Variants in ADAMTSL1 observed in about 807,000 individuals in gnomAD.
ADAMTSL1 encodes the protein ADAMTS like 1.
Under a neutral mutation model 201.8 loss-of-function variants are expected in ADAMTSL1, and 126 were observed. That is an observed-to-expected ratio of 0.62 (90% confidence interval 0.54 to 0.72). ADAMTSL1 has a LOEUF of 0.72. Among genes scored for constraint, ADAMTSL1 ranks in the 30% least tolerant of loss-of-function variants. The probability of loss-of-function intolerance (pLI) is 0.00; values close to 1 mark genes in which losing one functional copy is unlikely to be tolerated. For missense variants in ADAMTSL1, 2,679 were observed against 2,277.8 expected (o/e 1.18, Z -3.59); for synonymous variants, 1,121 against 903.4 (o/e 1.24, Z -4.32).
At chr9:18,785,489 A>G (rs1563799747) in intron 19 of ADAMTSL1, among the ~76,000 whole-genome samples, 1 of 152,252 alleles carries the variant, frequency 6.6e-6, no homozygotes, top group Non-Finnish European at 1.5e-5. Context: ...TACAATTGCT[A>G]CATTTGTGTG....
intron 23 of ADAMTSL1, among the ~76,000 whole-genome samples, chr9:18,860,839 G>A (rs149257045): frequency 0.01 from 1,575 of 152,284 alleles, 11 homozygotes; most frequent in Non-Finnish European, 0.016. Flanking sequence ...CAGAATACAG[G>A]TGCCCAGTAA....
chr9:18,421,697 C>A (rs1440196003), intron 2 of ADAMTSL1, among the ~76,000 whole-genome samples: 1 of 152,116 alleles, frequency 6.6e-6, no homozygotes, highest in Non-Finnish European at 1.5e-5. Flanking sequence ...AGTCTTTAGA[C>A]ACATTTAATA....
intron 1 of ADAMTSL1, among the ~76,000 whole-genome samples, chr9:17,979,880 G>A (rs1818617529): frequency 1.3e-5 from 2 of 152,094 alleles, no homozygotes; most frequent in African/African-American, 4.8e-5. Flanking sequence ...GGCTAGACTG[G>A]TGCCTGAGTT....
intron 2 of ADAMTSL1, among the ~76,000 whole-genome samples, chr9:18,222,762 A>G (rs1351773628): frequency 6.6e-6 from 1 of 150,800 alleles, no homozygotes; most frequent in African/African-American, 2.4e-5. Context: ...GAAAACTCTT[A>G]CCATAATTGT....
chr9:18,910,637 C>G lies in ADAMTSL1; in HGVS notation c.*2089C>G, dbSNP rs939146411. 1 of 152,216 alleles carries G rather than the reference C, an allele frequency of 6.6e-6. No homozygotes were observed. The highest frequency in any genetic ancestry group is 1.5e-5 in the Non-Finnish European group (1 of 68,042). The allele number at this position is 152,216 out of a possible 1,614,324, so 9.4% of individuals were successfully genotyped here. A position where few individuals can be genotyped will look rare whatever the true frequency, so the allele number is the denominator to read the frequency against. ...CTACTACTAATGTGGTTAATTATTT[C>G]TAGTTCGATAGTGATTGAAAATCAG... On this transcript the variant is annotated 3_prime_UTR_variant, in exon 29 of 29. Coordinates refer to ENST00000380548, the MANE Select transcript of ADAMTSL1 (RefSeq NM_001040272.6).
chr9:18,562,256 G>A (rs1026162896), intron 3 of ADAMTSL1, among the ~76,000 whole-genome samples: 2 of 152,074 alleles, frequency 1.3e-5, no homozygotes, highest in East Asian at 1.9e-4. Context: ...GTCTGTAAAG[G>A]ATTTTATTTC....
At chr9:18,439,587 G>A (rs1428564476) in intron 2 of ADAMTSL1, among the ~76,000 whole-genome samples, 3 of 152,128 alleles carry the variant, frequency 2.0e-5, no homozygotes, top group Non-Finnish European at 4.4e-5. Flanking sequence ...GGATGGTCTC[G>A]ATCTCCTGAC....
intron 2 of ADAMTSL1, among the ~76,000 whole-genome samples, chr9:18,345,593 G>C (rs1258392136): frequency 6.6e-6 from 1 of 152,148 alleles, no homozygotes; most frequent in Non-Finnish European, 1.5e-5. Flanking sequence ...GATGTCTTTT[G>C]TTCCAAAGTC....
intron 2 of ADAMTSL1, among the ~76,000 whole-genome samples, chr9:18,303,752 A>C (rs531168345): frequency 6.6e-6 from 1 of 152,222 alleles, no homozygotes; most frequent in Non-Finnish European, 1.5e-5. Context: ...AATGAGGAGA[A>C]GGGTGATGGT....
At chr9:18,088,172 G>A (rs958057841) in intron 1 of ADAMTSL1, among the ~76,000 whole-genome samples, 6 of 152,090 alleles carry the variant, frequency 3.9e-5, no homozygotes, top group African/African-American at 1.4e-4. Flanking sequence ...TCAACAAATG[G>A]CATTGGAACA....
intron 2 of ADAMTSL1, among the ~76,000 whole-genome samples, chr9:18,406,329 CTT>C (rs1327033055): frequency 0.083 from 12,269 of 147,610 alleles, 625 homozygotes; most frequent in South Asian, 0.2. Flanking sequence ...CTTTTCTTTT[CTT>C]TTCTTTTCTT....
At chr9:18,904,989 G>A (rs897566362) in intron 26 of ADAMTSL1, among the ~76,000 whole-genome samples, 2 of 152,042 alleles carry the variant, frequency 1.3e-5, no homozygotes, top group Non-Finnish European at 2.9e-5. Context: ...CAAAACTTTT[G>A]CTTATACTGT....
intron 2 of ADAMTSL1, among the ~76,000 whole-genome samples, chr9:18,522,255 C>T (rs1024532350): frequency 1.3e-5 from 2 of 151,962 alleles, no homozygotes; most frequent in South Asian, 2.1e-4. Flanking sequence ...GCAGTATACC[C>T]GTGTAACAAA....
chr9:18,150,982 A>G (rs957789893), intron 1 of ADAMTSL1, among the ~76,000 whole-genome samples: 1 of 151,946 alleles, frequency 6.6e-6, no homozygotes, highest in Non-Finnish European at 1.5e-5. Flanking sequence ...TGGGATCCCC[A>G]GTGGAGAATG....
At chr9:18,222,286 T>C (rs1049449357) in intron 2 of ADAMTSL1, among the ~76,000 whole-genome samples, 5 of 151,888 alleles carry the variant, frequency 3.3e-5, no homozygotes, top group African/African-American at 1.2e-4. Flanking sequence ...ATTGTTCTTA[T>C]TGTCATTTGG....
chr9:18,865,173 A>C (rs1462392722), intron 23 of ADAMTSL1, among the ~76,000 whole-genome samples: 1 of 152,042 alleles, frequency 6.6e-6, no homozygotes, highest in Non-Finnish European at 1.5e-5. Context: ...TATATCTCCT[A>C]ATGCTATCCC....
chr9:18,016,735 G>T (rs550421586), intron 1 of ADAMTSL1, among the ~76,000 whole-genome samples: 2 of 152,122 alleles, frequency 1.3e-5, no homozygotes, highest in Middle Eastern at 3.4e-3. Context: ...AACAATTTGT[G>T]TTGGTATTTA....
chr9:18,170,521 C>G (rs769428743), intron 2 of ADAMTSL1, among the ~76,000 whole-genome samples: 1 of 151,818 alleles, frequency 6.6e-6, no homozygotes, highest in Non-Finnish European at 1.5e-5. Flanking sequence ...GGAGTATTAA[C>G]GAATAACTCA....
At chr9:18,583,606 A>G (rs1466208269) in intron 4 of ADAMTSL1, among the ~76,000 whole-genome samples, 1 of 152,176 alleles carries the variant, frequency 6.6e-6, no homozygotes, top group Non-Finnish European at 1.5e-5. Context: ...AGAATGGTAG[A>G]TCCACTGACA....
Sources: gnomAD v4.1 joint callset for allele counts (sites outside exome capture counted in the v4.1 genomes callset) on GRCh38, gnomAD v4.1.1 for gene constraint, MANE v1.5 for transcripts, NCBI Gene and HGNC (gene_info 2026-07-23, HGNC 2026-07-21) for gene names.